PMFBP1: variants seen among roughly 807,000 people sequenced by gnomAD.
The protein encoded by PMFBP1 is polyamine-modulated factor 1-binding protein 1.
A neutral mutation model predicts 137.8 loss-of-function variants in PMFBP1; 131 were observed. The ratio of observed to expected loss-of-function variants is 0.95; its 90% CI spans 0.82 to 1.10. PMFBP1 has a LOEUF of 1.10. Ranked by LOEUF, PMFBP1 falls within the 50% of genes least tolerant of loss-of-function variation. The pLI is 0.00. For missense variants in PMFBP1, 1,199 were observed against 1,175.4 expected (o/e 1.02, Z -0.29); for synonymous variants, 490 against 450.4 (o/e 1.09, Z -1.11).
upstream of PMFBP1, among the ~76,000 whole-genome samples, chr16:72,173,653 TG>T (rs1232095160): frequency 2.0e-5 from 3 of 152,226 alleles, no homozygotes; most frequent in Non-Finnish European, 4.4e-5. Flanking sequence ...ATGAAAAAAC[TG>T]GAAGTGTTAT....
chr16:72,230,941 T>A, the PMFBP1 span, among the ~76,000 whole-genome samples: 676 of 152,304 alleles, frequency 4.4e-3, 3 homozygotes, highest in South Asian at 0.017. Context: ...TGTCTTCAAA[T>A]CGTGTTCTTT....
chr16:72,202,146 G>A, the PMFBP1 span, among the ~76,000 whole-genome samples: 1 of 152,188 alleles, frequency 6.6e-6, no homozygotes. Context: ...ATCAGTGAGT[G>A]AATGAGTCGA....
At chr16:72,207,969 T>C in the PMFBP1 span, among the ~76,000 whole-genome samples, 3 of 152,066 alleles carry the variant, frequency 2.0e-5, no homozygotes, top group African/African-American at 7.2e-5. Context: ...CAGTACACAT[T>C]TAAAGGTCAG....
chr16:72,227,825 G>A, the PMFBP1 span, among the ~76,000 whole-genome samples: 7 of 152,168 alleles, frequency 4.6e-5, no homozygotes, highest in Non-Finnish European at 8.8e-5. Context: ...GTTAAATGAT[G>A]TGGCATATAT....
chr16:72,180,837 C>T (rs1241020201), upstream of PMFBP1, among the ~76,000 whole-genome samples: 5 of 152,202 alleles, frequency 3.3e-5, no homozygotes, highest in East Asian at 1.9e-4. Context: ...CCAGTGCTCC[C>T]GTGGTCCCGG....
the PMFBP1 span, among the ~76,000 whole-genome samples, chr16:72,196,010 T>A: frequency 6.6e-6 from 1 of 151,570 alleles, no homozygotes; most frequent in African/African-American, 2.4e-5. Context: ...TGTGTGTGTG[T>A]GTGTGTGTGT....
rs201069169 is a variant in PMFBP1, at chr16:72,130,334, A to G, written c.1661T>C (p.Leu554Ser). The change falls in exon 12 of 21, where the codon TTA becomes TCA. Residue 554 changes from leucine to serine, a missense_variant. Coordinates refer to ENST00000237353, the MANE Select transcript of PMFBP1 (RefSeq NM_031293.3). ...CTTCCTCAGGGCTTCAGAGAGTTCT[A>G]ATGACAGCTCCTCCACCCGTTTTCT... ...SNRKRVEELS[L>S]ELSEALRKLE... is the part of the protein sequence containing the mutation. 3.5e-4 allele frequency: 558 copies of G among 1,614,204 alleles called. 1 individual carries two copies. The highest frequency in any genetic ancestry group is 1.6e-4 in the Non-Finnish European group (190 of 1,180,042).
the PMFBP1 span, among the ~76,000 whole-genome samples, chr16:72,197,697 GT>G: frequency 4.6e-5 from 7 of 152,148 alleles, no homozygotes; most frequent in Non-Finnish European, 8.8e-5. Flanking sequence ...CCCCTTCTTT[GT>G]GGCTGAGGAG....
intron 10 of PMFBP1, 43 bp downstream of exon 10, chr16:72,132,705 C>T: frequency 2.5e-6 from 4 of 1,612,672 alleles, no homozygotes; most frequent in Non-Finnish European, 3.4e-6. Context: ...CTGCTCTAGC[C>T]CCACAGAAAA....
At chr16:72,178,461 A>G (rs1567646997), upstream of PMFBP1, among the ~76,000 whole-genome samples, 1 of 152,168 alleles carries the variant, frequency 6.6e-6, no homozygotes, top group South Asian at 2.1e-4. Flanking sequence ...AATAATTGTT[A>G]CAGTAGTATT....
chr16:72,237,363 A>T, the PMFBP1 span, among the ~76,000 whole-genome samples: 1 of 152,112 alleles, frequency 6.6e-6, no homozygotes, highest in African/African-American at 2.4e-5. Context: ...ACTGAAAAAA[A>T]TGCTTTCCAC....
At chr16:72,195,016 A>G in the PMFBP1 span, among the ~76,000 whole-genome samples, 3 of 152,164 alleles carry the variant, frequency 2.0e-5, no homozygotes, top group East Asian at 3.9e-4. Flanking sequence ...GCAGGTAAAT[A>G]TGTGATTTGA....
chr16:72,228,179 C>T, the PMFBP1 span, among the ~76,000 whole-genome samples: 5 of 152,050 alleles, frequency 3.3e-5, no homozygotes, highest in Admixed American at 3.3e-4. Flanking sequence ...CAATTCCCAG[C>T]CCTTCTCCCA....
At chr16:72,154,079 G>A (rs2042945197) in intron 4 of PMFBP1, 132 bp downstream of exon 4, 2 of 1,195,754 alleles carry the variant, frequency 1.7e-6, no homozygotes, top group East Asian at 2.4e-5. Context: ...AATTAAAGGG[G>A]GAAGGTTTAT....
At chr16:72,212,213 G>C in the PMFBP1 span, among the ~76,000 whole-genome samples, 7 of 152,082 alleles carry the variant, frequency 4.6e-5, no homozygotes, top group Admixed American at 3.9e-4. Context: ...TCCAGCTCAA[G>C]AGGAGGGGAT....
At chr16:72,123,100 A>C in intron 18 of PMFBP1, 112 bp from the exon 19 acceptor site, 1 of 936,832 alleles carries the variant, frequency 1.1e-6, no homozygotes. Context: ...GCTGCATCCC[A>C]CGTCCCCCAC....
At chr16:72,191,876 G>A in the PMFBP1 span, among the ~76,000 whole-genome samples, 1 of 152,180 alleles carries the variant, frequency 6.6e-6, no homozygotes, top group Non-Finnish European at 1.5e-5. Flanking sequence ...ATGAGAACCC[G>A]ATTTTACATA....
At position 72,164,692 on chromosome 16, in the gene PMFBP1, T is replaced by C; in HGVS notation, c.165+72A>G. On this transcript the variant is annotated intron_variant, in intron 3 of 20. Coordinates refer to ENST00000237353, the MANE Select transcript of PMFBP1 (RefSeq NM_031293.3). Reference sequence around the variant, plus strand: ...GAATGAACAGTGGAAGAACTTTCTATTATTCCCGCCCAAGGGAGCAGAGGC... The same window carrying C: ...GAATGAACAGTGGAAGAACTTTCTACTATTCCCGCCCAAGGGAGCAGAGGC... The C allele has an allele frequency of 2.6e-6, 4 of 1,515,694 alleles. No individual in the cohort carries two copies. In the South Asian group the frequency reaches 5.2e-5, roughly 20 times the overall value. 93.9% of individuals were successfully genotyped at this position (1,515,694 alleles called of 1,614,324 possible). A position where few individuals can be genotyped will look rare whatever the true frequency, so the allele number is the denominator to read the frequency against.
chr16:72,140,648 A>G (rs2042704622), intron 5 of PMFBP1, 66 bp from the exon 6 acceptor site: 1 of 1,405,454 alleles, frequency 7.1e-7, no homozygotes, highest in South Asian at 1.2e-5. Context: ...GAATTCCATG[A>G]ACATGGAAAA....
Sources: gnomAD v4.1 joint callset for allele counts (sites outside exome capture counted in the v4.1 genomes callset) on GRCh38, gnomAD v4.1.1 for gene constraint, MANE v1.5 for transcripts, NCBI Gene and HGNC (gene_info 2026-07-23, HGNC 2026-07-21) for gene names.